GTF2E2: variants seen among roughly 807,000 people sequenced by gnomAD.
GTF2E2 encodes the protein general transcription factor IIE subunit 2.
Under a neutral mutation model 40.5 loss-of-function variants are expected in GTF2E2, and 21 were observed. The observed-to-expected ratio is 0.52, with a 90% CI of 0.37 to 0.75. The LOEUF is 0.75. Ranked by LOEUF, GTF2E2 falls within the 30% of genes least tolerant of loss-of-function variation. GTF2E2 has a pLI of 0.00. For missense variants in GTF2E2, 298 were observed against 338.4 expected, an observed-to-expected ratio of 0.88 and a Z score of 0.94; for synonymous variants, 117 against 121.6, an observed-to-expected ratio of 0.96 and a Z score of 0.25.
chr8:30,619,466 G>A (rs995161068), intron 3 of GTF2E2, among the ~76,000 whole-genome samples: 9 of 150,390 alleles, frequency 6.0e-5, no homozygotes, highest in South Asian at 2.1e-4. Context: ...TCGGCTCACC[G>A]CAACCGCCAC....
intron 6 of GTF2E2, among the ~76,000 whole-genome samples, chr8:30,581,291 G>A (rs1412104376): frequency 1.3e-5 from 2 of 152,090 alleles, no homozygotes; most frequent in Admixed American, 6.5e-5. Flanking sequence ...TCCCACCCCA[G>A]ACCCTCACCC....
chr8:30,603,609 A>G (rs1829242057), intron 6 of GTF2E2, among the ~76,000 whole-genome samples: 1 of 152,208 alleles, frequency 6.6e-6, no homozygotes, highest in African/African-American at 2.4e-5. Context: ...GAACGTTTAT[A>G]AACTAAAAAC....
intron 2 of GTF2E2, among the ~76,000 whole-genome samples, chr8:30,647,128 T>C (rs528581467): frequency 1.3e-5 from 2 of 151,220 alleles, no homozygotes; most frequent in Non-Finnish European, 2.9e-5. Flanking sequence ...TGAAAACAAA[T>C]ATGGAGAATT....
At chr8:30,635,214 C>T in intron 2 of GTF2E2, 91 bp from the exon 3 acceptor site, 1 of 711,704 alleles carries the variant, frequency 1.4e-6, no homozygotes, top group East Asian at 2.6e-5. Flanking sequence ...TAACATATTT[C>T]TTGAGTTTTT....
Position 30,578,534 on chromosome 8 carries a change from T to C in GTF2E2, c.*387A>G, listed in dbSNP as rs1828420317. 6.2e-6 allele frequency: 1 copy of C among 160,672 alleles called. No individual in the cohort carries two copies. The highest frequency in any genetic ancestry group is 1.8e-4 in the South Asian group (1 of 5,674). 10.0% of individuals were successfully genotyped at this position (160,672 alleles called of 1,614,324 possible). Reference sequence around the variant, plus strand: ...TAACATCTTAAAAATCCTTCTACAGTGATTTTATTATAAATATGTTCTTTT... The same window carrying C: ...TAACATCTTAAAAATCCTTCTACAGCGATTTTATTATAAATATGTTCTTTT... On this transcript the variant is annotated 3_prime_UTR_variant, in exon 8 of 8. Transcript: ENST00000355904.
At position 30,645,685 on chromosome 8, in the gene GTF2E2, A is replaced by G. The variant is rs993978893; in HGVS notation, c.166+7748T>C. 11 of 1,294,582 alleles carry G rather than the reference A, an allele frequency of 8.5e-6. No homozygotes were observed. In the African/African-American group the frequency reaches 1.5e-4, roughly 18 times the overall value. 80.2% of individuals were successfully genotyped at this position (1,294,582 alleles called of 1,614,324 possible). A position where few individuals can be genotyped will look rare whatever the true frequency, so the allele number is the denominator to read the frequency against. On this transcript the variant is annotated intron_variant, in intron 2 of 7. Coordinates refer to ENST00000355904, the MANE Select transcript of GTF2E2 (RefSeq NM_002095.6). ...TATTCTGAGGCCAACTGTTGCTACAAAACAAATTCTGACTGAATGGTTAAA... is the reference window on the plus strand; with the variant it reads ...TATTCTGAGGCCAACTGTTGCTACAGAACAAATTCTGACTGAATGGTTAAA...
chr8:30,595,774 G>C (rs981097311), intron 6 of GTF2E2, among the ~76,000 whole-genome samples: 32 of 152,054 alleles, frequency 2.1e-4, no homozygotes, highest in African/African-American at 7.5e-4. Context: ...AGAGGTTGTA[G>C]TGAGCCAAGA....
chr8:30,635,526 G>A (rs1801570083), intron 2 of GTF2E2, among the ~76,000 whole-genome samples: 1 of 151,968 alleles, frequency 6.6e-6, no homozygotes, highest in South Asian at 2.1e-4. Flanking sequence ...GGGACTACAG[G>A]TGCACACCAC....
chr8:30,650,736 C>T (rs560059380), intron 2 of GTF2E2, among the ~76,000 whole-genome samples: 2 of 150,918 alleles, frequency 1.3e-5, no homozygotes, highest in East Asian at 4.0e-4. Context: ...AAACAAAAGG[C>T]TGGGTGCGGT....
At chr8:30,646,414 GT>G in intron 2 of GTF2E2, among the ~76,000 whole-genome samples, 1 of 151,610 alleles carries the variant, frequency 6.6e-6, no homozygotes, top group Non-Finnish European at 1.5e-5. Flanking sequence ...AAATATGGCA[GT>G]TTTATTTCTT....
rs1262890388 is a variant in GTF2E2, at chr8:30,645,296, T to A, written c.166+8137A>T. The stretch of plus-strand genomic sequence containing the variant: ...TTTTTTATAGATTCAAAAGAGCAAG[T>A]GGAATCTCTAAGAATGGCTTCCAGC... On this transcript the variant is annotated intron_variant, in intron 2 of 7. Transcript: ENST00000355904. 2.0e-6 allele frequency: 3 copies of A among 1,528,820 alleles called. No individual in the cohort carries two copies. The South Asian group carries it at 3.6e-5, about 18-fold the overall frequency. 94.7% of individuals were successfully genotyped at this position (1,528,820 alleles called of 1,614,324 possible).
At chr8:30,628,747 C>T (rs763298128) in intron 3 of GTF2E2, among the ~76,000 whole-genome samples, 9 of 152,128 alleles carry the variant, frequency 5.9e-5, no homozygotes, top group Non-Finnish European at 8.8e-5. Context: ...CTGGCTAACA[C>T]GGTGAAACCT....
chr8:30,651,410 T>TA (rs879365951), intron 2 of GTF2E2, among the ~76,000 whole-genome samples: 196 of 148,664 alleles, frequency 1.3e-3, no homozygotes, highest in African/African-American at 1.6e-3. Flanking sequence ...ATGAACAATT[T>TA]AAAAAAAAAA....
intron 1 of GTF2E2, 51 bp from the exon 2 acceptor site, chr8:30,653,653 T>G: frequency 7.6e-7 from 1 of 1,312,566 alleles, no homozygotes; most frequent in East Asian, 2.3e-5. Flanking sequence ...CACTCAAACC[T>G]GCACTCCAAA....
intron 1 of GTF2E2, among the ~76,000 whole-genome samples, chr8:30,654,820 T>C (rs903999615): frequency 3.3e-5 from 5 of 152,194 alleles, no homozygotes; most frequent in Non-Finnish European, 7.3e-5. Context: ...AGAAGGTGGA[T>C]TTAGGCTCAC....
intron 1 of GTF2E2, among the ~76,000 whole-genome samples, chr8:30,656,332 G>C (rs898776574): frequency 6.6e-6 from 1 of 152,156 alleles, no homozygotes; most frequent in African/African-American, 2.4e-5. Context: ...ATGATTTACC[G>C]GGCTGAGGAA....
intron 5 of GTF2E2, among the ~76,000 whole-genome samples, chr8:30,608,799 G>C (rs1278233893): frequency 6.6e-6 from 1 of 152,208 alleles, no homozygotes; most frequent in Non-Finnish European, 1.5e-5. Context: ...AACCAGGCTG[G>C]AGTGCAGTGA....
chr8:30,608,005 T>A (rs1239610900), intron 5 of GTF2E2, among the ~76,000 whole-genome samples: 1 of 152,248 alleles, frequency 6.6e-6, no homozygotes, highest in African/African-American at 2.4e-5. Context: ...TATAAAAGAT[T>A]GGAAGAGTCT....
At chr8:30,628,209 G>T (rs1197678591) in intron 3 of GTF2E2, among the ~76,000 whole-genome samples, 1 of 152,174 alleles carries the variant, frequency 6.6e-6, no homozygotes, top group African/African-American at 2.4e-5. Flanking sequence ...CTGAGAACAA[G>T]TAAGTTGCCT....
Sources: gnomAD v4.1 joint callset for allele counts (sites outside exome capture counted in the v4.1 genomes callset) on GRCh38, gnomAD v4.1.1 for gene constraint, MANE v1.5 for transcripts, NCBI Gene and HGNC (gene_info 2026-07-23, HGNC 2026-07-21) for gene names.